The following FHIT variants were observed in gnomAD, a reference collection of about 807,000 sequenced individuals.
The protein encoded by FHIT is bis(5'-adenosyl)-triphosphatase.
A neutral mutation model predicts 17.9 loss-of-function variants in FHIT; 19 were observed. The ratio of observed to expected loss-of-function variants is 1.06; its 90% confidence interval spans 0.74 to 1.56. The LOEUF is 1.56. Ranked by LOEUF, FHIT falls within the 40% of genes most tolerant of loss-of-function variation. The pLI is 0.00. For missense variants in FHIT, 248 were observed against 189.2 expected, an observed-to-expected ratio of 1.31 and a Z score of -1.82; for synonymous variants, 81 against 69.7, an observed-to-expected ratio of 1.16 and a Z score of -0.81.
intron 5 of FHIT, among the ~76,000 whole-genome samples, chr3:60,192,764 C>T (rs1400793962): frequency 2.0e-5 from 3 of 152,180 alleles, no homozygotes; most frequent in Non-Finnish European, 2.9e-5. Context: ...GATTCCACCA[C>T]CATCCGTGAA....
intron 8 of FHIT, among the ~76,000 whole-genome samples, chr3:59,885,007 A>G (rs1703559630): frequency 6.6e-6 from 1 of 152,230 alleles, no homozygotes; most frequent in Non-Finnish European, 1.5e-5. Flanking sequence ...GCAGTAAGAA[A>G]AATTCACCAA....
chr3:60,672,874 CGTGT>C lies in FHIT; in HGVS notation c.-17-135899_-17-135896del, dbSNP rs71629109. Among the ~76,000 whole-genome samples, 695 of 139,562 alleles carry C rather than the reference CGTGT, an allele frequency of 5.0e-3. 6 individuals carry two copies. Among genetic ancestry groups the C allele is most frequent in the African/African-American group, 0.017 (622 of 37,692 alleles). 91.6% of individuals were successfully genotyped at this position (139,562 alleles called of 152,430 possible). ...GGTTTTTAATTATACCTCTTTGTAG[CGTGT>C]GTGTGTGTGTGTGTGTGTGTGTGTG... is the stretch of plus-strand genomic sequence containing the variant. On this transcript the variant is annotated intron_variant, in intron 4 of 9. Coordinates refer to ENST00000492590, the MANE Select transcript of FHIT (RefSeq NM_002012.4).
At chr3:60,418,272 T>A (rs1304078332) in intron 5 of FHIT, among the ~76,000 whole-genome samples, 1 of 150,744 alleles carries the variant, frequency 6.6e-6, no homozygotes, top group Non-Finnish European at 1.5e-5. Context: ...ATTTTTAGTT[T>A]TAAAAATATG....
chr3:61,197,207 A>G (rs2106651320), intron 2 of FHIT, among the ~76,000 whole-genome samples: 1 of 152,326 alleles, frequency 6.6e-6, no homozygotes, highest in African/African-American at 2.4e-5. Flanking sequence ...AAAATTTACT[A>G]AGCACTTTCA....
chr3:61,065,576 A>C (rs2034577063), intron 2 of FHIT, among the ~76,000 whole-genome samples: 1 of 152,260 alleles, frequency 6.6e-6, no homozygotes, highest in South Asian at 2.1e-4. Context: ...CGCTTCCCCA[A>C]AACTAACATG....
At chr3:60,431,930 C>T (rs1016860670) in intron 5 of FHIT, among the ~76,000 whole-genome samples, 5 of 152,044 alleles carry the variant, frequency 3.3e-5, no homozygotes, top group Non-Finnish European at 5.9e-5. Flanking sequence ...CCTCTGCTCA[C>T]CCCACTGACC....
chr3:60,445,329 G>C (rs551133954), intron 5 of FHIT, among the ~76,000 whole-genome samples: 34 of 152,154 alleles, frequency 2.2e-4, no homozygotes, highest in Middle Eastern at 3.4e-3. Context: ...AGGGTAACCT[G>C]TATCACAGAC....
At chr3:59,927,213 T>C (rs993301143) in intron 7 of FHIT, among the ~76,000 whole-genome samples, 46 of 152,140 alleles carry the variant, frequency 3.0e-4, no homozygotes, top group Admixed American at 3.3e-4. Context: ...GGCCACATAT[T>C]GTACCATGCC....
chr3:60,277,916 G>A (rs1257705651), intron 5 of FHIT, among the ~76,000 whole-genome samples: 3 of 151,972 alleles, frequency 2.0e-5, no homozygotes, highest in Non-Finnish European at 2.9e-5. Flanking sequence ...AAATATTTAC[G>A]ACAAGGAAAA....
intron 5 of FHIT, among the ~76,000 whole-genome samples, chr3:60,130,942 T>C (rs1046181731): frequency 3.7e-5 from 5 of 135,272 alleles, no homozygotes; most frequent in South Asian, 2.6e-4. Flanking sequence ...TTTATATATA[T>C]ACATATGTGA....
At chr3:60,036,694 C>T (rs915925703) in intron 5 of FHIT, among the ~76,000 whole-genome samples, 3 of 152,116 alleles carry the variant, frequency 2.0e-5, no homozygotes, top group African/African-American at 7.2e-5. Flanking sequence ...ATTTCCTTTA[C>T]ATAGCTGTAT....
intron 5 of FHIT, among the ~76,000 whole-genome samples, chr3:60,200,298 G>A (rs1038610320): frequency 2.6e-4 from 39 of 151,890 alleles, no homozygotes; most frequent in African/African-American, 8.0e-4. Flanking sequence ...CACATTTTAG[G>A]GCCTGATGTT....
chr3:61,128,618 C>T (rs1026420901), intron 2 of FHIT, among the ~76,000 whole-genome samples: 1 of 152,040 alleles, frequency 6.6e-6, no homozygotes, highest in Admixed American at 6.6e-5. Context: ...AATGATTATC[C>T]CCCAAAAGCA....
intron 3 of FHIT, among the ~76,000 whole-genome samples, chr3:60,963,524 G>A (rs916443286): frequency 1.3e-5 from 2 of 151,922 alleles, no homozygotes; most frequent in Non-Finnish European, 2.9e-5. Context: ...GTGATGTTAG[G>A]GTGTCAATTT....
At chr3:60,995,911 T>C (rs541291264) in intron 3 of FHIT, among the ~76,000 whole-genome samples, 2 of 152,344 alleles carry the variant, frequency 1.3e-5, no homozygotes, top group South Asian at 2.1e-4. Flanking sequence ...AAATTAAAAT[T>C]ACAGTAGCTA....
chr3:59,783,146 A>G (rs1462112008), intron 8 of FHIT, among the ~76,000 whole-genome samples: 1 of 152,110 alleles, frequency 6.6e-6, no homozygotes, highest in Non-Finnish European at 1.5e-5. Context: ...CCCACAACTC[A>G]CACAAACCTC....
At chr3:60,418,548 C>A (rs1270885768) in intron 5 of FHIT, among the ~76,000 whole-genome samples, 2 of 140,358 alleles carry the variant, frequency 1.4e-5, no homozygotes, top group African/African-American at 5.1e-5. Flanking sequence ...TAATTAACAT[C>A]CCTCCCAACT....
At chr3:61,180,702 G>C (rs941178769) in intron 2 of FHIT, among the ~76,000 whole-genome samples, 1 of 152,172 alleles carries the variant, frequency 6.6e-6, no homozygotes, top group African/African-American at 2.4e-5. Context: ...AAAGTACCAA[G>C]CAAAGTATTA....
chr3:60,271,581 T>C (rs1706868369), intron 5 of FHIT, among the ~76,000 whole-genome samples: 1 of 152,206 alleles, frequency 6.6e-6, no homozygotes, highest in Admixed American at 6.5e-5. Flanking sequence ...CAGTTCTTGA[T>C]GTTAGTACTG....
Sources: gnomAD v4.1 joint callset for allele counts (sites outside exome capture counted in the v4.1 genomes callset) on GRCh38, gnomAD v4.1.1 for gene constraint, MANE v1.5 for transcripts, NCBI Gene and HGNC (gene_info 2026-07-23, HGNC 2026-07-21) for gene names.